The following FMNL2 variants were observed in gnomAD, a reference collection of about 807,000 sequenced individuals.
The protein encoded by FMNL2 is formin-like protein 2.
A neutral mutation model predicts 130.2 loss-of-function variants in FMNL2; 51 were observed. That is an observed-to-expected ratio of 0.39 (90% CI 0.31 to 0.49). The LOEUF (loss-of-function observed/expected upper bound fraction) is 0.49, where lower values mean the gene tolerates loss of function less well. Ranked by LOEUF, FMNL2 falls within the 20% of genes least tolerant of loss-of-function variation. The pLI, the probability that FMNL2 is intolerant of heterozygous loss-of-function variation, is 0.85. For missense variants in FMNL2, 977 were observed against 1,316.2 expected (o/e 0.74, Z 3.99); for synonymous variants, 465 against 467.1 (o/e 1.00, Z 0.06).
At chr2:152,459,446 A>G (rs1356810495) in intron 1 of FMNL2, among the ~76,000 whole-genome samples, 5 of 152,230 alleles carry the variant, frequency 3.3e-5, no homozygotes, top group African/African-American at 4.8e-5. Flanking sequence ...TGATTTATAT[A>G]CAAAATTGAT....
At chr2:152,604,581 CACA>C (rs1423159662) in intron 9 of FMNL2, among the ~76,000 whole-genome samples, 5 of 140,650 alleles carry the variant, frequency 3.6e-5, no homozygotes, top group African/African-American at 7.4e-5. Context: ...ACCAATCACC[CACA>C]ACAAGACCAA....
chr2:152,468,739 A>G (rs560572671), intron 1 of FMNL2, among the ~76,000 whole-genome samples: 2 of 152,274 alleles, frequency 1.3e-5, no homozygotes, highest in South Asian at 2.1e-4. Flanking sequence ...TCTCATTTTA[A>G]TTCTTTTAGA....
chr2:152,544,325 T>G (rs1694500243), intron 3 of FMNL2, among the ~76,000 whole-genome samples: 1 of 152,122 alleles, frequency 6.6e-6, no homozygotes, highest in Non-Finnish European at 1.5e-5. Flanking sequence ...GGAGAATCGC[T>G]TGAACCCAGG....
chr2:152,345,372 T>C (rs979448705), intron 1 of FMNL2, among the ~76,000 whole-genome samples: 4 of 152,204 alleles, frequency 2.6e-5, no homozygotes, highest in African/African-American at 9.7e-5. Flanking sequence ...CTTTTTTTTA[T>C]TGGCATAGAA....
intron 6 of FMNL2, among the ~76,000 whole-genome samples, chr2:152,566,294 T>A (rs565393372): frequency 1.3e-5 from 2 of 152,316 alleles, no homozygotes; most frequent in East Asian, 1.9e-4. Flanking sequence ...CAGATAGCGT[T>A]GATGTAATTT....
At chr2:152,511,258 C>T (rs972356162) in intron 1 of FMNL2, among the ~76,000 whole-genome samples, 4 of 152,198 alleles carry the variant, frequency 2.6e-5, no homozygotes, top group Admixed American at 6.5e-5. Flanking sequence ...CTTTTAAGGA[C>T]CCTGTGATTA....
At position 152,556,659 on chromosome 2, in the gene FMNL2, A is replaced by G. The variant is rs996406205; in HGVS notation, c.360-2081A>G. Among the ~76,000 whole-genome samples the G allele has an allele frequency of 8.5e-5, 13 of 152,204 alleles. No individual in the cohort carries two copies. The East Asian group carries it at 1.7e-3, about 20-fold the overall frequency. ...CTGTAGGTCACTTGCCTCTTGTCCA[A>G]TTGGTGGCTGAACTTTCCAAGTGAG... On this transcript the variant is annotated intron_variant, in intron 4 of 25. Coordinates refer to ENST00000288670, the MANE Select transcript of FMNL2 (RefSeq NM_052905.4).
chr2:152,478,351 C>A (rs867676947), intron 1 of FMNL2, among the ~76,000 whole-genome samples: 2 of 149,452 alleles, frequency 1.3e-5, no homozygotes, highest in Non-Finnish European at 3.0e-5. Flanking sequence ...GATTCTCCTG[C>A]GTCAGCCTCC....
intron 1 of FMNL2, among the ~76,000 whole-genome samples, chr2:152,421,788 G>A (rs536249381): frequency 1.7e-4 from 26 of 152,278 alleles, no homozygotes; most frequent in Non-Finnish European, 2.9e-4. Context: ...TAGAAATTGC[G>A]TAAGTGTAGA....
In FMNL2 at chr2:152,475,595, C is replaced by T. The variant is rs189811600; in HGVS notation, c.118-46348C>T. ...CTGCAACCTCCACCTCCCAGGTTCC[C>T]GCCATTCTCCTGTCTCAGCTTCCCG... On this transcript the variant is annotated intron_variant, in intron 1 of 25. Transcript: ENST00000288670. 4.6e-4 allele frequency among the ~76,000 whole-genome samples: 70 copies of T among 151,956 alleles called. No individual in the cohort carries two copies. In the East Asian group the frequency reaches 0.011, roughly 25 times the overall value.
intron 2 of FMNL2, among the ~76,000 whole-genome samples, chr2:152,536,925 A>G (rs1181193834): frequency 6.6e-6 from 1 of 152,196 alleles, no homozygotes; most frequent in Non-Finnish European, 1.5e-5. Flanking sequence ...AATTAACCCC[A>G]ATTAATTTCT....
At chr2:152,389,934 C>T in intron 1 of FMNL2, 1 of 1,124,666 alleles carries the variant, frequency 8.9e-7, no homozygotes, top group South Asian at 1.3e-5. Context: ...CCGGGCTGGC[C>T]AAGGAAGCCA....
chr2:152,563,275 A>C (rs1020041582), intron 6 of FMNL2, among the ~76,000 whole-genome samples: 2 of 152,212 alleles, frequency 1.3e-5, no homozygotes, highest in Non-Finnish European at 2.9e-5. Flanking sequence ...ACCAGCTAAG[A>C]AACCAATACC....
chr2:152,527,315 T>A (rs1693442989), intron 2 of FMNL2, among the ~76,000 whole-genome samples: 2 of 152,206 alleles, frequency 1.3e-5, no homozygotes, highest in South Asian at 4.1e-4. Context: ...TGTAACTGTT[T>A]TCCCCTTGTG....
intron 1 of FMNL2, among the ~76,000 whole-genome samples, chr2:152,501,630 G>A (rs1429646174): frequency 1.3e-5 from 2 of 152,188 alleles, no homozygotes; most frequent in Admixed American, 6.5e-5. Flanking sequence ...ACACAGAAGG[G>A]AGCAAAGAGC....
intron 1 of FMNL2, chr2:152,390,734 T>G: frequency 1.5e-6 from 1 of 681,674 alleles, no homozygotes. Flanking sequence ...GGGCTTGGGG[T>G]AGGCATGGGA....
Position 152,617,114 on chromosome 2 carries a change from A to C in FMNL2, c.1236A>C (p.Thr412=). The stretch of plus-strand genomic sequence containing the variant: ...AGTTATCTGAAAAACTGCAAGACAC[A>C]GAGAATGAAGCCATGTCCAAGATTG... ...ISHLSEKLQD[T]ENEAMSKIVE... The change falls in exon 13 of 26, where the codon ACA becomes ACC. Residue 412 remains threonine (T), a synonymous_variant. Coordinates refer to ENST00000288670, the MANE Select transcript of FMNL2 (RefSeq NM_052905.4). The C allele has an allele frequency of 6.2e-7, 1 of 1,613,992 alleles. No homozygotes were observed. Among genetic ancestry groups the C allele is most frequent in the South Asian group, 1.1e-5 (1 of 91,082 alleles).
rs1279677735 is a variant in FMNL2 at position 152,335,609 on chromosome 2, C to T, written c.6C>T (p.Gly2=). Residue 2 remains glycine, a synonymous_variant, in exon 1 of 26, where the codon GGC becomes GGT. Coordinates refer to ENST00000288670, the MANE Select transcript of FMNL2 (RefSeq NM_052905.4). ...GGCCCCGGCGCGCCGCCGACATGGG[C>T]AACGCAGGGAGCATGGATTCGCAGC... M[G]NAGSMDSQQT... The T allele has an allele frequency of 6.3e-7, 1 of 1,586,264 alleles. No homozygotes were observed. Among genetic ancestry groups the T allele is most frequent in the East Asian group, 2.4e-5 (1 of 41,246 alleles).
At position 152,611,542 on chromosome 2, in the gene FMNL2, T is replaced by C. The variant is rs773361656; in HGVS notation, c.999T>C (p.Asp333=). Reference sequence around the variant, plus strand: ...ATATTGTAGTCCATTCAGTAGAAGATATGAATTTCAGAGTTCACCTGCAGT... The same window carrying C: ...ATATTGTAGTCCATTCAGTAGAAGACATGAATTTCAGAGTTCACCTGCAGT... ...FINIVVHSVE[D]MNFRVHLQYE... The change falls in exon 11 of 26, where the codon GAT becomes GAC. Residue 333 remains aspartate, a synonymous_variant. Coordinates refer to ENST00000288670, the MANE Select transcript of FMNL2 (RefSeq NM_052905.4). 2 of 1,602,948 alleles carry C rather than the reference T, an allele frequency of 1.2e-6. No individual in the cohort carries two copies. Among genetic ancestry groups the C allele is most frequent in the East Asian group, 4.5e-5 (2 of 44,700 alleles).
Sources: allele counts gnomAD v4.1 joint callset (sites outside exome capture counted in the v4.1 genomes callset), GRCh38; gene constraint gnomAD v4.1.1; transcripts MANE v1.5; gene names NCBI Gene and HGNC (gene_info 2026-07-23, HGNC 2026-07-21).